Variants in ANXA8 observed in about 807,000 individuals in gnomAD.
ANXA8 encodes the protein annexin A8, also known as VAC-beta.
In ANXA8, 9 loss-of-function variants were observed where a neutral mutation model predicts 26.8. That is an observed-to-expected ratio of 0.34 (90% CI 0.20 to 0.59). The LOEUF (loss-of-function observed/expected upper bound fraction) is 0.59. Ranked by LOEUF, ANXA8 falls within the 20% of genes least tolerant of loss-of-function variation. The pLI, the probability that ANXA8 is intolerant of heterozygous loss-of-function variation, is 0.84. For synonymous variants in ANXA8, 39 were observed against 94.8 expected (o/e 0.41, Z 3.42); for missense variants, 83 against 238.5 (o/e 0.35, Z 4.29).
the ANXA8 span, among the ~76,000 whole-genome samples, chr10:47,718,300 A>C: frequency 8.0e-6 from 1 of 124,504 alleles, no homozygotes; most frequent in African/African-American, 3.1e-5. Context: ...GCAAATCCCC[A>C]TCTCCACAAA....
At chr10:47,958,821 G>A in the ANXA8 span, among the ~76,000 whole-genome samples, 1 of 149,496 alleles carries the variant, frequency 6.7e-6, no homozygotes, top group African/African-American at 2.5e-5. Context: ...CACTTATAAA[G>A]CCATCAGATC....
At chr10:47,937,803 A>G in the ANXA8 span, among the ~76,000 whole-genome samples, 8 of 132,222 alleles carry the variant, frequency 6.1e-5, no homozygotes, top group Non-Finnish European at 1.1e-4. Flanking sequence ...CAGCCATAAA[A>G]AAGAACAAGA....
the ANXA8 span, among the ~76,000 whole-genome samples, chr10:47,566,669 G>A: frequency 1.4e-5 from 2 of 142,674 alleles, no homozygotes; most frequent in Non-Finnish European, 3.1e-5. Context: ...GAGGGGCTGA[G>A]GAATAGAACA....
the ANXA8 span, among the ~76,000 whole-genome samples, chr10:47,959,612 T>C: frequency 6.8e-6 from 1 of 147,398 alleles, no homozygotes; most frequent in Non-Finnish European, 1.5e-5. Flanking sequence ...CTGGGGAGAC[T>C]GTGTCTGAAG....
chr10:47,497,312 T>A, the ANXA8 span, among the ~76,000 whole-genome samples: 4 of 63,478 alleles, frequency 6.3e-5, no homozygotes, highest in Non-Finnish European at 7.8e-5. Flanking sequence ...AGAGCAAAAG[T>A]CCATCACAAA....
At chr10:47,530,734 C>G in the ANXA8 span, among the ~76,000 whole-genome samples, 2 of 133,908 alleles carry the variant, frequency 1.5e-5, no homozygotes, top group African/African-American at 5.6e-5. Context: ...AACAACACAT[C>G]TCAAGTACAC....
At chr10:47,558,556 T>TGA in the ANXA8 span, among the ~76,000 whole-genome samples, 1 of 151,488 alleles carries the variant, frequency 6.6e-6, no homozygotes, top group Non-Finnish European at 1.5e-5. Flanking sequence ...TGTGTGTGTG[T>TGA]GTGTGTGTGT....
At chr10:47,939,984 C>G in the ANXA8 span, among the ~76,000 whole-genome samples, 40 of 143,980 alleles carry the variant, frequency 2.8e-4, no homozygotes, top group African/African-American at 1.0e-3. Flanking sequence ...CCACCCCATG[C>G]TTGAATCCAC....
At chr10:47,705,262 T>C in the ANXA8 span, among the ~76,000 whole-genome samples, 3 of 143,652 alleles carry the variant, frequency 2.1e-5, no homozygotes, top group Non-Finnish European at 3.0e-5. Context: ...TAAATTTTAA[T>C]TTTGAGATTT....
At chr10:47,598,963 CTATT>C in the ANXA8 span, among the ~76,000 whole-genome samples, 2 of 137,260 alleles carry the variant, frequency 1.5e-5, no homozygotes, top group South Asian at 2.4e-4. Flanking sequence ...AAATGCTTTA[CTATT>C]TATTATGTGG....
At chr10:47,485,277 A>G (rs1840014230), upstream of ANXA8, among the ~76,000 whole-genome samples, 1 of 151,972 alleles carries the variant, frequency 6.6e-6, no homozygotes, top group Non-Finnish European at 1.5e-5. Flanking sequence ...TCCTTTGGGC[A>G]CCTGTGTGTG....
At chr10:47,522,387 TAAACTCCTTTGAG>T in the ANXA8 span, among the ~76,000 whole-genome samples, 1 of 149,656 alleles carries the variant, frequency 6.7e-6, no homozygotes, top group African/African-American at 2.5e-5. Context: ...GCCTCATAGG[TAAACTCCTTTGAG>T]AAACCCCAAA....
chr10:47,560,055 TAC>T, the ANXA8 span, among the ~76,000 whole-genome samples: 1 of 150,840 alleles, frequency 6.6e-6, no homozygotes, highest in Admixed American at 6.6e-5. Flanking sequence ...TCTCTTGTTA[TAC>T]ACACACAGTT....
chr10:47,949,480 T>C, the ANXA8 span, among the ~76,000 whole-genome samples: 8 of 150,092 alleles, frequency 5.3e-5, no homozygotes, highest in South Asian at 1.5e-3. Flanking sequence ...AAACACTTAA[T>C]GGTAAGTATG....
At chr10:47,750,450 CTTATT>C in the ANXA8 span, among the ~76,000 whole-genome samples, 1 of 102,762 alleles carries the variant, frequency 9.7e-6, no homozygotes, top group Admixed American at 1.2e-4. Context: ...TATTTATTTA[CTTATT>C]TTATTTTTGG....
At chr10:47,510,312 T>C in the ANXA8 span, 37 of 1,047,990 alleles carry the variant, frequency 3.5e-5, 1 homozygote, top group East Asian at 1.4e-4. Context: ...TATCAAAGTG[T>C]ATTTTTTTCT....
the ANXA8 span, among the ~76,000 whole-genome samples, chr10:47,771,447 A>G: frequency 1.3e-4 from 20 of 150,678 alleles, 1 homozygote; most frequent in Non-Finnish European, 2.5e-4. Flanking sequence ...AAAATAATTT[A>G]TATAAGGATT....
the ANXA8 span, among the ~76,000 whole-genome samples, chr10:47,733,153 CTTTCTTTCTTTCTTTCTTTCTTTCTT>C: frequency 8.1e-5 from 7 of 86,936 alleles, no homozygotes; most frequent in African/African-American, 2.8e-4. Flanking sequence ...ATCTTTCTTT[CTTTCTTTCTTTCTTTCTTTCTTTCTT>C]TCTTTCTTTC....
At chr10:47,610,725 C>A in the ANXA8 span, among the ~76,000 whole-genome samples, 1 of 150,046 alleles carries the variant, frequency 6.7e-6, no homozygotes, top group African/African-American at 2.5e-5. Context: ...AAATAAATAA[C>A]TTTTATTTTC....
Sources: allele counts gnomAD v4.1 joint callset (sites outside exome capture counted in the v4.1 genomes callset), GRCh38; gene constraint gnomAD v4.1.1; transcripts MANE v1.5; gene names NCBI Gene and HGNC (gene_info 2026-07-23, HGNC 2026-07-21).